The following PER3 variants were observed in gnomAD, a reference collection of about 807,000 sequenced individuals.
PER3 encodes the protein period circadian regulator 3.
A neutral mutation model predicts 127.2 loss-of-function variants in PER3; 107 were observed. That is an observed-to-expected ratio of 0.84 (90% CI 0.72 to 0.99). The LOEUF (loss-of-function observed/expected upper bound fraction) is 0.99, where lower values mean the gene tolerates loss of function less well. PER3 is among the 50% of genes least tolerant of loss of function. PER3 has a pLI of 0.00. For missense variants in PER3, 1,560 were observed against 1,525.8 expected, an observed-to-expected ratio of 1.02 and a Z score of -0.37; for synonymous variants, 618 against 585.8, an observed-to-expected ratio of 1.05 and a Z score of -0.79.
At chr1:7,835,285 G>A (rs2097352713) in intron 19 of PER3, among the ~76,000 whole-genome samples, 1 of 152,124 alleles carries the variant, frequency 6.6e-6, no homozygotes, top group South Asian at 2.1e-4. Context: ...CTTGGGTTTA[G>A]GTAAGAACAA....
At chr1:7,838,211 C>T (rs1030869551) in intron 21 of PER3, among the ~76,000 whole-genome samples, 12 of 152,146 alleles carry the variant, frequency 7.9e-5, no homozygotes, top group Non-Finnish European at 1.8e-4. Context: ...GTATAATACA[C>T]ATAACATGGA....
intron 16 of PER3, among the ~76,000 whole-genome samples, chr1:7,825,634 A>G (rs1272381889): frequency 6.6e-6 from 1 of 152,174 alleles, no homozygotes; most frequent in East Asian, 1.9e-4. Context: ...GCTCATGCCT[A>G]TAATCCCAGC....
chr1:7,838,915 G>A (rs2097370721), intron 21 of PER3, among the ~76,000 whole-genome samples: 1 of 152,148 alleles, frequency 6.6e-6, no homozygotes, highest in Non-Finnish European at 1.5e-5. Flanking sequence ...TCTTTTGATT[G>A]GAGAATTTAG....
Position 7,843,840 on chromosome 1 carries a change from TTAA to T in PER3, c.*1086_*1088del, listed in dbSNP as rs2097401434. ...TCTATGGCGTTTGTAGTTGTGTCTT[TTAA>T]GAAGTGAGTGTGATTGTTTACTTGA... On this transcript the variant is annotated 3_prime_UTR_variant, in exon 22 of 22. Transcript: ENST00000377532. 2 of 1,065,940 alleles carry T rather than the reference TTAA, an allele frequency of 1.9e-6. No homozygotes were observed. The highest frequency in any genetic ancestry group is 3.4e-5 in the South Asian group (2 of 58,274). 66.0% of individuals were successfully genotyped at this position (1,065,940 alleles called of 1,614,324 possible).
At chr1:7,793,857 C>T (rs2150546223) in intron 5 of PER3, 100 bp from the exon 6 acceptor site, 1 of 1,015,526 alleles carries the variant, frequency 9.8e-7, no homozygotes, top group Non-Finnish European at 1.6e-6. Flanking sequence ...ACCTCTCTCT[C>T]TTTTAAAAAA....
Position 7,809,774 on chromosome 1 carries a change from C to T in PER3, c.1243-119C>T, listed in dbSNP as rs1475371064. ...AGCATTAAAAGTACCAACCTGCACACACCTAATTTAGTATTTCAGGAATTG... is the reference window on the plus strand; with the variant it reads ...AGCATTAAAAGTACCAACCTGCACATACCTAATTTAGTATTTCAGGAATTG... On this transcript the variant is annotated intron_variant, in intron 11 of 21. Coordinates refer to ENST00000377532, the MANE Select transcript of PER3 (RefSeq NM_001377275.1). 4.2e-6 allele frequency: 4 copies of T among 959,326 alleles called. No individual in the cohort carries two copies. The East Asian group carries it at 8.0e-5, about 19-fold the overall frequency. The allele number at this position is 959,326 out of a possible 1,614,324, so 59.4% of individuals were successfully genotyped here.
intron 6 of PER3, among the ~76,000 whole-genome samples, chr1:7,797,126 T>G (rs1313029001): frequency 6.6e-6 from 1 of 152,150 alleles, no homozygotes; most frequent in African/African-American, 2.4e-5. Context: ...AAATGGCATT[T>G]AAAACCTTTG....
chr1:7,806,302 TAA>T (rs548291797), intron 10 of PER3, among the ~76,000 whole-genome samples: 15 of 152,110 alleles, frequency 9.9e-5, no homozygotes, highest in Non-Finnish European at 1.5e-4. Context: ...CCATACTCAG[TAA>T]ACTAGAGTAG....
intron 5 of PER3, 96 bp downstream of exon 5, chr1:7,788,342 TG>T: frequency 1.2e-6 from 1 of 851,526 alleles, no homozygotes; most frequent in Admixed American, 2.3e-5. Context: ...ATTTAGAACA[TG>T]CACACTATCT....
In PER3 at chr1:7,827,292, C is replaced by G. The variant is rs772900287; in HGVS notation, c.2363C>G (p.Thr788Ser). The G allele has an allele frequency of 4.3e-6, 7 of 1,613,818 alleles. No individual in the cohort carries two copies. The highest frequency in any genetic ancestry group is 5.9e-6 in the Non-Finnish European group (7 of 1,179,870). Residue 788 changes from threonine (T) to serine (S), a missense_variant, in exon 18 of 22, where the codon ACC becomes AGC. Physicochemically the swap from Thr to Ser is moderately conservative, Grantham distance 58. Transcript: ENST00000377532. Reference sequence around the variant, plus strand: ...CCCTCCGCGGCCTCCTCTCCGCACACCTCGAGCCCGACCTTCCCACCTGCC... The same window carrying G: ...CCCTCCGCGGCCTCCTCTCCGCACAGCTCGAGCCCGACCTTCCCACCTGCC... ...CCPSAASSPH[T>S]SSPTFPPAAM...
rs562870843 is a variant in PER3 at position 7,832,286 on chromosome 1, T to C, written c.3214+2125T>C. Among the ~76,000 whole-genome samples the C allele has an allele frequency of 2.3e-4, 35 of 152,060 alleles. No individual in the cohort carries two copies. The South Asian group carries it at 5.0e-3, about 22-fold the overall frequency. On this transcript the variant is annotated intron_variant, in intron 19 of 21. Coordinates refer to ENST00000377532, the MANE Select transcript of PER3 (RefSeq NM_001377275.1). ...CTGACTGTATGTTTATCAATTTTAATAACTTTTCAAAGAACTTTGGATCTC... is the reference window on the plus strand; with the variant it reads ...CTGACTGTATGTTTATCAATTTTAACAACTTTTCAAAGAACTTTGGATCTC...
chr1:7,842,468 C>T (rs1390387711), intron 21 of PER3, among the ~76,000 whole-genome samples: 5 of 151,756 alleles, frequency 3.3e-5, no homozygotes, highest in African/African-American at 1.2e-4. Flanking sequence ...CCACTGCATT[C>T]CAGCCTGGGT....
intron 4 of PER3, chr1:7,787,698 T>C (rs2097098717): frequency 2.9e-6 from 1 of 340,432 alleles, no homozygotes; most frequent in Admixed American, 4.2e-5. Context: ...ATCTTCAGTG[T>C]GTCTTAAAGC....
At chr1:7,796,744 G>C (rs967914262) in intron 6 of PER3, among the ~76,000 whole-genome samples, 1 of 152,098 alleles carries the variant, frequency 6.6e-6, no homozygotes, top group Non-Finnish European at 1.5e-5. Context: ...CCAGCGTTCC[G>C]GGGGGAGGTA....
chr1:7,834,395 GTTA>G (rs2151246730), intron 19 of PER3, among the ~76,000 whole-genome samples: 1 of 152,182 alleles, frequency 6.6e-6, no homozygotes, highest in South Asian at 2.1e-4. Flanking sequence ...CAATAACATT[GTTA>G]TTATTTTTGC....
At chr1:7,788,430 C>T (rs911876172) in intron 5 of PER3, 184 bp downstream of exon 5, 7 of 580,956 alleles carry the variant, frequency 1.2e-5, no homozygotes, top group East Asian at 5.6e-5. Flanking sequence ...ATACTCAATA[C>T]GTTTGTTTCC....
intron 21 of PER3, among the ~76,000 whole-genome samples, chr1:7,837,548 C>T (rs935090854): frequency 2.0e-5 from 3 of 152,100 alleles, no homozygotes; most frequent in Admixed American, 6.5e-5. Context: ...AGATTCACAC[C>T]AGAGGTAGTA....
intron 14 of PER3, 58 bp from the exon 15 acceptor site, chr1:7,820,057 G>A (rs923609991): frequency 1.3e-6 from 2 of 1,570,112 alleles, no homozygotes; most frequent in African/African-American, 2.7e-5. Context: ...GCAAAGAGGT[G>A]GGAAATGGCA....
chr1:7,786,963 C>G, intron 4 of PER3, 127 bp downstream of exon 4: 1 of 649,356 alleles, frequency 1.5e-6, no homozygotes, highest in Non-Finnish European at 2.8e-6. Context: ...AAAGGAGGAA[C>G]TGCTAAAGAG....
Sources: gnomAD v4.1 joint callset for allele counts (sites outside exome capture counted in the v4.1 genomes callset) on GRCh38, gnomAD v4.1.1 for gene constraint, MANE v1.5 for transcripts, NCBI Gene and HGNC (gene_info 2026-07-23, HGNC 2026-07-21) for gene names.